NRXN3: variants seen among roughly 807,000 people sequenced by gnomAD.
NRXN3 encodes the protein neurexin 3.
A neutral mutation model predicts 137.6 loss-of-function variants in NRXN3; 32 were observed. That is an observed-to-expected ratio of 0.23 (90% CI 0.18 to 0.31). The LOEUF is 0.31. NRXN3 is among the 10% of genes least tolerant of loss of function. The pLI is 1.00. For synonymous variants in NRXN3, 798 were observed against 784.5 expected, an observed-to-expected ratio of 1.02 and a Z score of -0.29; for missense variants, 1,574 against 2,062.5, an observed-to-expected ratio of 0.76 and a Z score of 4.59.
chr14:79,163,251 A>T (rs561361147), intron 15 of NRXN3, among the ~76,000 whole-genome samples: 1 of 151,838 alleles, frequency 6.6e-6, no homozygotes, highest in East Asian at 2.0e-4. Context: ...ATCCAACCTC[A>T]CTCTCCCATC....
intron 19 of NRXN3, among the ~76,000 whole-genome samples, chr14:79,733,790 G>T (rs550574875): frequency 6.6e-6 from 1 of 151,772 alleles, no homozygotes; most frequent in Admixed American, 6.6e-5. Context: ...TATGCAAGAG[G>T]GTAGAAAAAA....
chr14:79,862,704 C>G lies in NRXN3; in HGVS notation c.*740C>G, dbSNP rs1228924965. The G allele has an allele frequency of 6.6e-6, 1 of 152,580 alleles. No individual in the cohort carries two copies. Among genetic ancestry groups the G allele is most frequent in the African/African-American group, 2.4e-5 (1 of 41,428 alleles). 9.5% of individuals were successfully genotyped at this position (152,580 alleles called of 1,614,324 possible). ...CACTCTACATATCAGGTTATGGTGT[C>G]TCTAGAATCTGTTGTTTGTTTCCTA... On this transcript the variant is annotated 3_prime_UTR_variant, in exon 21 of 21. Coordinates refer to ENST00000335750, the MANE Select transcript of NRXN3 (RefSeq NM_001330195.2).
intron 15 of NRXN3, among the ~76,000 whole-genome samples, chr14:79,429,998 A>G (rs2095719989): frequency 6.6e-6 from 1 of 151,880 alleles, no homozygotes; most frequent in Non-Finnish European, 1.5e-5. Context: ...ATACTTCAAA[A>G]TTAAGTTTTT....
chr14:79,738,576 G>C (rs2154077656), intron 19 of NRXN3, among the ~76,000 whole-genome samples: 1 of 151,980 alleles, frequency 6.6e-6, no homozygotes, highest in East Asian at 1.9e-4. Context: ...TTGTTTTTTT[G>C]AGACAGAGTT....
At position 78,302,542 on chromosome 14, in the gene NRXN3, G is replaced by A. The variant is rs554771804; in HGVS notation, c.757+4682G>A. Reference sequence around the variant, plus strand: ...TCCCGGATACAAGGGTGACCTCCACGTTTAAGCCTTCTAGCTACCTCTCTA... The same window carrying A: ...TCCCGGATACAAGGGTGACCTCCACATTTAAGCCTTCTAGCTACCTCTCTA... On this transcript the variant is annotated intron_variant, in intron 4 of 20. Coordinates refer to ENST00000335750, the MANE Select transcript of NRXN3 (RefSeq NM_001330195.2). Among the ~76,000 whole-genome samples, 20 of 152,224 alleles carry A rather than the reference G, an allele frequency of 1.3e-4. 1 individual carries two copies. The South Asian group carries it at 2.9e-3, about 22-fold the overall frequency.
At position 79,788,739 on chromosome 14, in the gene NRXN3, A is replaced by AAGTC. The variant is rs1417287921; in HGVS notation, c.4015-16371_4015-16368dup. ...AATCAAGTAGAAGGGAAAATAGTGT[A>AAGTC]AGTCAATATATATTAAGTACTTTCA... On this transcript the variant is annotated intron_variant, in intron 19 of 20. Coordinates refer to ENST00000335750, the MANE Select transcript of NRXN3 (RefSeq NM_001330195.2). 2.0e-5 allele frequency among the ~76,000 whole-genome samples: 3 copies of AAGTC among 152,220 alleles called. No individual in the cohort carries two copies. In the East Asian group the frequency reaches 5.8e-4, roughly 29 times the overall value.
intron 4 of NRXN3, among the ~76,000 whole-genome samples, chr14:78,641,636 G>A (rs2152566130): frequency 6.6e-6 from 1 of 152,364 alleles, no homozygotes; most frequent in East Asian, 1.9e-4. Flanking sequence ...CAATGGAGGA[G>A]ATATCCCAAC....
At chr14:79,126,196 T>C (rs536553373) in intron 15 of NRXN3, among the ~76,000 whole-genome samples, 2 of 152,104 alleles carry the variant, frequency 1.3e-5, no homozygotes, top group Admixed American at 1.3e-4. Flanking sequence ...TTATTATACT[T>C]TAAGTTTTAG....
At chr14:79,777,161 G>T (rs1302635339) in intron 19 of NRXN3, among the ~76,000 whole-genome samples, 1 of 152,086 alleles carries the variant, frequency 6.6e-6, no homozygotes, top group Non-Finnish European at 1.5e-5. Context: ...ATTTTTGTTA[G>T]CCTCTTATGA....
At chr14:78,355,863 G>C (rs74516176) in intron 4 of NRXN3, among the ~76,000 whole-genome samples, 4,336 of 152,286 alleles carry the variant, frequency 0.028, 82 homozygotes, top group Middle Eastern at 0.044. Context: ...TCATATAACC[G>C]TAATAGGAAA....
At chr14:78,919,876 A>G (rs2099266359) in intron 10 of NRXN3, among the ~76,000 whole-genome samples, 1 of 152,198 alleles carries the variant, frequency 6.6e-6, no homozygotes, top group Non-Finnish European at 1.5e-5. Context: ...AGCACTTATT[A>G]TATTTCAGTC....
intron 15 of NRXN3, among the ~76,000 whole-genome samples, chr14:79,251,820 C>A (rs2075971875): frequency 6.6e-6 from 1 of 151,396 alleles, no homozygotes; most frequent in Admixed American, 6.6e-5. Flanking sequence ...CTTTTTGTTT[C>A]TTTTCTTTTC....
intron 15 of NRXN3, among the ~76,000 whole-genome samples, chr14:79,197,120 C>G (rs1424200629): frequency 1.1e-4 from 17 of 152,114 alleles, no homozygotes; most frequent in Admixed American, 1.1e-3. Context: ...TTAATTTTGG[C>G]TGGTTACTGG....
intron 6 of NRXN3, among the ~76,000 whole-genome samples, chr14:78,655,566 C>T (rs977247356): frequency 1.3e-5 from 2 of 152,152 alleles, no homozygotes; most frequent in Middle Eastern, 3.4e-3. Context: ...ACTATGTTTT[C>T]CTTTATTAAA....
chr14:78,540,236 G>T (rs545520519), intron 4 of NRXN3, among the ~76,000 whole-genome samples: 148 of 152,246 alleles, frequency 9.7e-4, no homozygotes, highest in African/African-American at 3.3e-3. Flanking sequence ...TATTGTGTGG[G>T]AGTCTAAGTC....
intron 16 of NRXN3, among the ~76,000 whole-genome samples, chr14:79,556,416 G>T (rs2097430171): frequency 6.6e-6 from 1 of 152,092 alleles, no homozygotes; most frequent in African/African-American, 2.4e-5. Flanking sequence ...TAGTCATTAT[G>T]GTAGAAACAT....
chr14:79,096,300 G>A (rs2050322416), intron 15 of NRXN3, among the ~76,000 whole-genome samples: 1 of 151,942 alleles, frequency 6.6e-6, no homozygotes, highest in African/African-American at 2.4e-5. Context: ...AGTAGAGGCG[G>A]GGTTTCACTG....
At chr14:79,767,238 G>A (rs1381981046) in intron 19 of NRXN3, among the ~76,000 whole-genome samples, 1 of 152,134 alleles carries the variant, frequency 6.6e-6, no homozygotes, top group African/African-American at 2.4e-5. Context: ...CCCATTCTCT[G>A]GGCTTCAATA....
intron 4 of NRXN3, among the ~76,000 whole-genome samples, chr14:78,309,911 G>A (rs1263368445): frequency 6.6e-6 from 1 of 152,040 alleles, no homozygotes; most frequent in Non-Finnish European, 1.5e-5. Context: ...TTTTGATTGG[G>A]AATAGTTTTT....
Sources: gnomAD v4.1 joint callset for allele counts (sites outside exome capture counted in the v4.1 genomes callset) on GRCh38, gnomAD v4.1.1 for gene constraint, MANE v1.5 for transcripts, NCBI Gene and HGNC (gene_info 2026-07-23, HGNC 2026-07-21) for gene names.